The following POTEF variants were observed in gnomAD, a reference collection of about 807,000 sequenced individuals.
The protein encoded by POTEF is ANKRD26-like family C member 1B.
In POTEF, 20 loss-of-function variants were observed where a neutral mutation model predicts 83.2. That is an observed-to-expected ratio of 0.24 (90% CI 0.17 to 0.35). The LOEUF is 0.35. POTEF is among the 10% of genes least tolerant of loss of function. The pLI is 1.00. For synonymous variants in POTEF, 196 were observed against 446.4 expected, an observed-to-expected ratio of 0.44 and a Z score of 7.07; for missense variants, 550 against 1,203.2, an observed-to-expected ratio of 0.46 and a Z score of 8.03.
At chr2:130,126,571 A>C (rs1685097898) in intron 2 of POTEF, among the ~76,000 whole-genome samples, 1 of 152,068 alleles carries the variant, frequency 6.6e-6, no homozygotes, top group Admixed American at 6.5e-5. Context: ...ACGAGTGAAA[A>C]ATCAAACCTT....
Position 130,104,803 on chromosome 2 carries a change from G to A in POTEF, c.1127-2623C>T, listed in dbSNP as rs1275674706. On this transcript the variant is annotated intron_variant, in intron 8 of 16. Transcript: ENST00000409914. ...GGATGCTAACTTTTGATCATTGATG[G>A]TGATACACATGGACATTTATCATCA... Among the ~76,000 whole-genome samples, 83 of 151,248 alleles carry A rather than the reference G, an allele frequency of 5.5e-4. 1 individual carries two copies. The highest frequency in any genetic ancestry group is 2.0e-3 in the African/African-American group (81 of 40,798).
intron 5 of POTEF, among the ~76,000 whole-genome samples, chr2:130,113,938 GAGA>G (rs1471013558): frequency 6.6e-6 from 1 of 151,832 alleles, no homozygotes; most frequent in Non-Finnish European, 1.5e-5. Context: ...TCCCCGGTAA[GAGA>G]AGAACAGGGT....
intron 8 of POTEF, among the ~76,000 whole-genome samples, chr2:130,105,948 G>A (rs1684514727): frequency 6.6e-6 from 1 of 150,742 alleles, no homozygotes; most frequent in Non-Finnish European, 1.5e-5. Context: ...CCTTCCCAGT[G>A]CCTGGTTTGG....
rs570309532 is a variant in POTEF at position 130,104,544 on chromosome 2, G to GA, written c.1127-2365dup. On this transcript the variant is annotated intron_variant, in intron 8 of 16. Transcript: ENST00000409914. ...TGTTTGGTTGCAGGCTGCAAGCGGG[G>GA]AAAAAATCAAAGTGTATTTCACAGA... Among the ~76,000 whole-genome samples, 1,385 of 151,396 alleles carry GA rather than the reference G, an allele frequency of 9.1e-3. 22 individuals carry two copies. Among genetic ancestry groups the GA allele is most frequent in the Non-Finnish European group, 0.014 (942 of 67,990 alleles).
chr2:130,106,290 A>C (rs1684526673), intron 8 of POTEF, among the ~76,000 whole-genome samples: 1 of 150,188 alleles, frequency 6.7e-6, no homozygotes, highest in African/African-American at 2.5e-5. Context: ...TTCCCATGGC[A>C]CACAGGATAA....
chr2:130,093,026 C>G (rs1163838111), intron 12 of POTEF, among the ~76,000 whole-genome samples: 1 of 142,286 alleles, frequency 7.0e-6, no homozygotes, highest in Non-Finnish European at 1.5e-5. Flanking sequence ...ATTACAGCCT[C>G]TACTCTGTCT....
At chr2:130,118,525 T>A (rs946155192) in intron 3 of POTEF, among the ~76,000 whole-genome samples, 26 of 151,280 alleles carry the variant, frequency 1.7e-4, no homozygotes, top group Admixed American at 5.3e-4. Context: ...TGAAACCCCA[T>A]CTCTACTAAA....
At chr2:130,122,753 A>G (rs1685025582) in intron 2 of POTEF, among the ~76,000 whole-genome samples, 1 of 150,586 alleles carries the variant, frequency 6.6e-6, no homozygotes, top group Non-Finnish European at 1.5e-5. Flanking sequence ...ATCCTTCATT[A>G]AAATTACTCC....
Position 130,120,245 on chromosome 2 carries a change from T to A in POTEF, c.271A>T (p.Met91Leu). 2 of 1,592,192 alleles carry A rather than the reference T, an allele frequency of 1.3e-6. No individual in the cohort carries two copies. Among genetic ancestry groups the A allele is most frequent in the Non-Finnish European group, 1.7e-6 (2 of 1,173,808 alleles). ...CCCATCTTGTTCCTGAGTGTCTTCA[T>A]AGCAGAGTCGTCGTGGTCTCCAGAA... Reference protein sequence around the residue: ...GASGDHDDSAMKTLRNKMGKW... With the variant: ...GASGDHDDSALKTLRNKMGKW... The change falls in exon 3 of 17, where the codon ATG becomes TTG. Residue 91 changes from methionine to leucine, a missense_variant. Physicochemically the swap from Met to Leu is conservative, Grantham distance 15. Transcript: ENST00000409914.
chr2:130,111,500 A>C (rs1432470173), intron 6 of POTEF, among the ~76,000 whole-genome samples: 1 of 152,022 alleles, frequency 6.6e-6, no homozygotes, highest in South Asian at 2.1e-4. Flanking sequence ...AACAGCAATT[A>C]ATTGTTATGT....
chr2:130,104,062 T>C (rs1339143866), intron 8 of POTEF, among the ~76,000 whole-genome samples: 3 of 149,000 alleles, frequency 2.0e-5, no homozygotes, highest in South Asian at 2.1e-4. Flanking sequence ...CCAAAACCAA[T>C]ATTCCTACTG....
intron 5 of POTEF, among the ~76,000 whole-genome samples, chr2:130,113,899 A>G (rs1212142499): frequency 9.2e-5 from 14 of 151,616 alleles, no homozygotes; most frequent in African/African-American, 3.4e-4. Flanking sequence ...TAGGAGAGAG[A>G]CCCATTTGCT....
At chr2:130,109,099 C>G (rs2443694) in intron 7 of POTEF, 12 of 151,370 alleles carry the variant, frequency 7.9e-5, no homozygotes, top group South Asian at 6.2e-4. Flanking sequence ...TTTTGCAGCA[C>G]AAATCACAAT....
intron 2 of POTEF, among the ~76,000 whole-genome samples, chr2:130,123,077 A>T (rs1685031118): frequency 7.4e-6 from 1 of 135,148 alleles, no homozygotes; most frequent in Non-Finnish European, 1.6e-5. Flanking sequence ...TAATACACTG[A>T]TTGTTACTTT....
chr2:130,117,121 C>T (rs1975672), intron 3 of POTEF, among the ~76,000 whole-genome samples: 90,536 of 151,020 alleles, frequency 0.6, 27,343 homozygotes, highest in Admixed American at 0.7. Context: ...TAATCACTTA[C>T]ATTTGCTATT....
chr2:130,112,888 T>C (rs1160546873), intron 5 of POTEF, among the ~76,000 whole-genome samples: 1 of 151,920 alleles, frequency 6.6e-6, no homozygotes, highest in East Asian at 1.9e-4. Flanking sequence ...CTTACTGACC[T>C]AAGTACTTGA....
chr2:130,109,617 G>C (rs1684649557), intron 7 of POTEF: 1 of 151,044 alleles, frequency 6.6e-6, no homozygotes, highest in Non-Finnish European at 1.5e-5. Context: ...GTACAGATCT[G>C]GTAGCAAAGA....
intron 1 of POTEF, among the ~76,000 whole-genome samples, chr2:130,128,567 T>A (rs1445058685): frequency 8.6e-5 from 1 of 11,692 alleles, no homozygotes. Flanking sequence ...AACCACCCCC[T>A]CCACAGGCAG....
intron 2 of POTEF, among the ~76,000 whole-genome samples, chr2:130,123,783 A>AT (rs1195359747): frequency 2.7e-5 from 4 of 146,234 alleles, no homozygotes; most frequent in Non-Finnish European, 6.0e-5. Flanking sequence ...CATTATAAGC[A>AT]TTTTTAAAAT....
Sources: allele counts gnomAD v4.1 joint callset (sites outside exome capture counted in the v4.1 genomes callset), GRCh38; gene constraint gnomAD v4.1.1; transcripts MANE v1.5; gene names NCBI Gene and HGNC (gene_info 2026-07-23, HGNC 2026-07-21).